PPP2R2B: variants seen among roughly 807,000 people sequenced by gnomAD.
PPP2R2B encodes the protein serine/threonine-protein phosphatase 2A 55 kDa regulatory subunit B beta isoform.
PPP2R2B carries 5 observed loss-of-function variants against 46.0 expected under a neutral mutation model. That is an observed-to-expected ratio of 0.11 (90% CI 0.06 to 0.23). The LOEUF (loss-of-function observed/expected upper bound fraction) is 0.23, where lower values mean the gene tolerates loss of function less well. Among genes scored for constraint, PPP2R2B ranks in the 10% least tolerant of loss-of-function variants. The pLI, the probability that PPP2R2B is intolerant of heterozygous loss-of-function variation, is 1.00. For missense variants in PPP2R2B, 367 were observed against 575.0 expected, an observed-to-expected ratio of 0.64 and a Z score of 3.70; for synonymous variants, 215 against 206.7, an observed-to-expected ratio of 1.04 and a Z score of -0.34.
At chr5:146,659,429 T>C (rs1776548413) in intron 5 of PPP2R2B, among the ~76,000 whole-genome samples, 1 of 152,216 alleles carries the variant, frequency 6.6e-6, no homozygotes, top group African/African-American at 2.4e-5. Context: ...TGGGCTTGGA[T>C]CCTGGCTGTG....
intron 2 of PPP2R2B, among the ~76,000 whole-genome samples, chr5:146,833,842 C>A (rs953496378): frequency 2.0e-5 from 3 of 151,964 alleles, no homozygotes; most frequent in Non-Finnish European, 4.4e-5. Context: ...TGGCATCCCC[C>A]AAAATCAAAT....
At chr5:146,775,638 GA>G (rs921166739) in intron 2 of PPP2R2B, among the ~76,000 whole-genome samples, 1 of 151,956 alleles carries the variant, frequency 6.6e-6, no homozygotes, top group African/African-American at 2.4e-5. Context: ...AATTAGGCAG[GA>G]AAAATAAATA....
intron 2 of PPP2R2B, among the ~76,000 whole-genome samples, chr5:146,783,004 T>C (rs1328196325): frequency 6.6e-6 from 1 of 152,220 alleles, no homozygotes; most frequent in African/African-American, 2.4e-5. Flanking sequence ...GCTCAAATTC[T>C]GCTTTTAGTG....
chr5:146,696,781 C>T (rs556917137), intron 4 of PPP2R2B, among the ~76,000 whole-genome samples: 6 of 152,064 alleles, frequency 3.9e-5, no homozygotes, highest in South Asian at 2.1e-4. Context: ...CAGCTGCGTC[C>T]GAATTGTCAT....
intron 1 of PPP2R2B, among the ~76,000 whole-genome samples, chr5:146,957,743 G>T (rs1484614595): frequency 1.3e-5 from 2 of 152,130 alleles, no homozygotes; most frequent in Admixed American, 1.3e-4. Flanking sequence ...CTGACCTATG[G>T]TAACACTATA....
intron 5 of PPP2R2B, among the ~76,000 whole-genome samples, chr5:146,671,585 T>C (rs6886623): frequency 6.6e-6 from 1 of 152,196 alleles, no homozygotes. Flanking sequence ...TCAAACACAT[T>C]GTGTAATTTA....
chr5:147,007,449 C>A (rs960572741), intron 1 of PPP2R2B, among the ~76,000 whole-genome samples: 1 of 152,176 alleles, frequency 6.6e-6, no homozygotes, highest in African/African-American at 2.4e-5. Flanking sequence ...AATCAGCACT[C>A]TGTAAAATAG....
chr5:146,666,770 A>G (rs1777004184), intron 5 of PPP2R2B, among the ~76,000 whole-genome samples: 2 of 152,370 alleles, frequency 1.3e-5, no homozygotes, highest in South Asian at 4.1e-4. Flanking sequence ...ATCTACCAGC[A>G]CAGGCATTTA....
In PPP2R2B at chr5:146,609,685, C is replaced by T. The variant is rs1047912687; in HGVS notation, c.791-9225G>A. On this transcript the variant is annotated intron_variant, in intron 7 of 9. Transcript: ENST00000394411. Reference sequence around the variant, plus strand: ...GCGAGGCATTGCCTCACCTGGGAAGCGCAAGGGGTCAGGGAGTTCCCTTTC... The same window carrying T: ...GCGAGGCATTGCCTCACCTGGGAAGTGCAAGGGGTCAGGGAGTTCCCTTTC... 2.7e-5 allele frequency among the ~76,000 whole-genome samples: 4 copies of T among 148,278 alleles called. No individual in the cohort carries two copies. The East Asian group carries it at 6.1e-4, about 23-fold the overall frequency.
At chr5:146,677,343 GA>G (rs1349857548) in intron 5 of PPP2R2B, among the ~76,000 whole-genome samples, 1 of 152,148 alleles carries the variant, frequency 6.6e-6, no homozygotes, top group Non-Finnish European at 1.5e-5. Flanking sequence ...AAAATGTTGA[GA>G]AAGAACTCAG....
At chr5:146,763,236 A>G (rs769181199) in intron 2 of PPP2R2B, among the ~76,000 whole-genome samples, 13 of 152,224 alleles carry the variant, frequency 8.5e-5, no homozygotes, top group Non-Finnish European at 1.5e-4. Context: ...GAAGGAGGAA[A>G]TGGAAATAGC....
chr5:146,855,512 C>T (rs1033193250), intron 2 of PPP2R2B, among the ~76,000 whole-genome samples: 1 of 152,092 alleles, frequency 6.6e-6, no homozygotes, highest in African/African-American at 2.4e-5. Context: ...CACATACCTG[C>T]TTTTTGTTTT....
intron 5 of PPP2R2B, among the ~76,000 whole-genome samples, chr5:146,662,490 C>A (rs187105625): frequency 6.6e-6 from 1 of 152,110 alleles, no homozygotes. Flanking sequence ...CCTGCCTCCC[C>A]GGGGTGCTCT....
intron 5 of PPP2R2B, among the ~76,000 whole-genome samples, chr5:146,682,425 C>G (rs1045300705): frequency 7.9e-5 from 12 of 152,182 alleles, no homozygotes; most frequent in African/African-American, 2.9e-4. Context: ...CTAAACACTT[C>G]AACAAGTGAC....
chr5:146,857,618 G>A (rs1045953016), intron 2 of PPP2R2B, among the ~76,000 whole-genome samples: 38 of 152,062 alleles, frequency 2.5e-4, no homozygotes, highest in African/African-American at 8.9e-4. Context: ...TAACTTATTT[G>A]TCCTCTGTTT....
At chr5:146,815,121 C>T (rs1361012236) in intron 2 of PPP2R2B, among the ~76,000 whole-genome samples, 3 of 152,136 alleles carry the variant, frequency 2.0e-5, no homozygotes, top group Admixed American at 6.5e-5. Context: ...TCATATCATC[C>T]CTGAAGGATG....
At chr5:146,657,824 C>T (rs1312184374) in intron 5 of PPP2R2B, among the ~76,000 whole-genome samples, 2 of 152,172 alleles carry the variant, frequency 1.3e-5, no homozygotes, top group Admixed American at 6.5e-5. Flanking sequence ...TGCTCCATAT[C>T]TCCTTGTTAG....
intron 2 of PPP2R2B, among the ~76,000 whole-genome samples, chr5:146,740,680 T>C (rs934052271): frequency 6.6e-6 from 1 of 151,692 alleles, no homozygotes; most frequent in Non-Finnish European, 1.5e-5. Context: ...ATCTCAGTGC[T>C]GAAAACCTGA....
intron 3 of PPP2R2B, 60 bp from the exon 4 acceptor site, chr5:146,698,204 G>T: frequency 1.4e-6 from 2 of 1,403,690 alleles, no homozygotes; most frequent in Non-Finnish European, 9.4e-7. Flanking sequence ...TGTAAAACTC[G>T]CCAACTCCCT....
Sources: gnomAD v4.1 joint callset for allele counts (sites outside exome capture counted in the v4.1 genomes callset) on GRCh38, gnomAD v4.1.1 for gene constraint, MANE v1.5 for transcripts, NCBI Gene and HGNC (gene_info 2026-07-23, HGNC 2026-07-21) for gene names.